The following IDE variants were observed in gnomAD, a reference collection of about 807,000 sequenced individuals.
The protein encoded by IDE is insulin degrading enzyme.
A neutral mutation model predicts 133.2 loss-of-function variants in IDE; 58 were observed. That is an observed-to-expected ratio of 0.44 (90% CI 0.35 to 0.54). The LOEUF is 0.54. IDE is among the 20% of genes least tolerant of loss of function. The pLI is 0.00. For missense variants in IDE, 981 were observed against 1,234.0 expected (o/e 0.79, Z 3.07); for synonymous variants, 396 against 421.3 (o/e 0.94, Z 0.73).
chr10:92,455,700 CAAA>C, intron 23 of IDE, 57 bp from the exon 24 acceptor site: 4 of 729,830 alleles, frequency 5.5e-6, no homozygotes, highest in Non-Finnish European at 8.8e-6. Context: ...CACAAAAGAA[CAAA>C]AAAAAAAAAC....
chr10:92,519,459 A>AG (rs1849100437), intron 4 of IDE, among the ~76,000 whole-genome samples: 1 of 152,212 alleles, frequency 6.6e-6, no homozygotes, highest in African/African-American at 2.4e-5. Context: ...ATGGAGGAGC[A>AG]GGGTTGCTCA....
intron 1 of IDE, among the ~76,000 whole-genome samples, chr10:92,569,174 G>C (rs985013212): frequency 1.3e-5 from 2 of 152,212 alleles, no homozygotes; most frequent in African/African-American, 4.8e-5. Context: ...TCTCGGAATT[G>C]GGAATGAATA....
chr10:92,461,562 G>A (rs1589362206), intron 21 of IDE, among the ~76,000 whole-genome samples: 1 of 152,150 alleles, frequency 6.6e-6, no homozygotes, highest in South Asian at 2.1e-4. Context: ...CGCCATGTTG[G>A]CTAGGCTGGT....
At chr10:92,507,027 A>T (rs573618827) in intron 9 of IDE, among the ~76,000 whole-genome samples, 2 of 152,182 alleles carry the variant, frequency 1.3e-5, no homozygotes, top group African/African-American at 4.8e-5. Flanking sequence ...GAATCTCGAT[A>T]GGCTTTAAAG....
intron 1 of IDE, among the ~76,000 whole-genome samples, chr10:92,567,049 C>T (rs1171080776): frequency 6.6e-6 from 1 of 152,162 alleles, no homozygotes; most frequent in Non-Finnish European, 1.5e-5. Flanking sequence ...CCCTGAGCTA[C>T]CAATCTACAA....
rs1257575731 is a variant in IDE at position 92,530,083 on chromosome 10, G to A, written c.661+1665C>T. Reference sequence around the variant, plus strand: ...TCTACTAAAAGTACACAAATTAGCCGGGCATGGTGGCGGGCGCCTGTAATC... The same window carrying A: ...TCTACTAAAAGTACACAAATTAGCCAGGCATGGTGGCGGGCGCCTGTAATC... On this transcript the variant is annotated intron_variant, in intron 4 of 24. Transcript: ENST00000265986. Among the ~76,000 whole-genome samples the A allele has an allele frequency of 5.9e-5, 9 of 151,922 alleles. No homozygotes were observed. In the East Asian group the frequency reaches 9.7e-4, roughly 16 times the overall value.
chr10:92,559,435 G>A (rs1589543278), intron 1 of IDE, among the ~76,000 whole-genome samples: 1 of 152,134 alleles, frequency 6.6e-6, no homozygotes, highest in African/African-American at 2.4e-5. Context: ...AATACTATGA[G>A]TACTAAAAAG....
chr10:92,531,659 CATAA>C (rs1849931461), intron 4 of IDE, 85 bp downstream of exon 4: 1 of 492,992 alleles, frequency 2.0e-6, no homozygotes, highest in Non-Finnish European at 3.1e-6. Context: ...TAAATATATA[CATAA>C]ATATATTTTA....
intron 6 of IDE, among the ~76,000 whole-genome samples, chr10:92,509,092 A>C (rs1848451449): frequency 6.6e-6 from 1 of 152,194 alleles, no homozygotes; most frequent in African/African-American, 2.4e-5. Flanking sequence ...TATATAGTCC[A>C]TGTTTGACCC....
chr10:92,518,639 C>A (rs905669912), intron 4 of IDE, among the ~76,000 whole-genome samples: 3 of 152,078 alleles, frequency 2.0e-5, no homozygotes, highest in African/African-American at 7.2e-5. Context: ...CATAGTAACA[C>A]TGTTTCATTA....
chr10:92,528,461 GAA>G (rs777854346), intron 4 of IDE, among the ~76,000 whole-genome samples: 8 of 127,088 alleles, frequency 6.3e-5, no homozygotes, highest in South Asian at 2.4e-4. Flanking sequence ...AGTTTCTCTA[GAA>G]AAAAAAAAAA....
In IDE at chr10:92,461,227, C is replaced by T; in HGVS notation, c.2787G>A (p.Lys929=). 1 of 1,460,662 alleles carries T rather than the reference C, an allele frequency of 6.8e-7. No homozygotes were observed. The highest frequency in any genetic ancestry group is 9.6e-7 in the Non-Finnish European group (1 of 1,041,478). 90.5% of individuals were successfully genotyped at this position (1,460,662 alleles called of 1,614,324 possible). A position where few individuals can be genotyped will look rare whatever the true frequency, so the allele number is the denominator to read the frequency against. ...TGATGATATCTTCCTTGGTAAGTGT[C>T]TTTAAATATGCAACCTCAGTGTTAT... ...DRDNTEVAYL[K]TLTKEDIIKF... Residue 929 remains lysine, a synonymous_variant, in exon 22 of 25, where the codon AAG becomes AAA. Transcript: ENST00000265986.
rs749581031 is a variant in IDE, at chr10:92,507,567, A to C, written c.1245+8T>G. On this transcript the variant is annotated splice_region_variant and intron_variant, in intron 9 of 24. Coordinates refer to ENST00000265986, the MANE Select transcript of IDE (RefSeq NM_004969.4). The stretch of plus-strand genomic sequence containing the variant: ...TCCTTAAGAAAAATTTTGGTGAAAC[A>C]AAAGTACCTTGCACTCTTGGAAAAC... 1.0e-5 allele frequency: 16 copies of C among 1,533,062 alleles called. No homozygotes were observed. In the South Asian group the frequency reaches 1.6e-4, roughly 15 times the overall value. The allele number at this position is 1,533,062 out of a possible 1,614,324, so 95.0% of individuals were successfully genotyped here.
At chr10:92,542,722 C>G (rs956696964) in intron 1 of IDE, among the ~76,000 whole-genome samples, 1 of 152,128 alleles carries the variant, frequency 6.6e-6, no homozygotes, top group African/African-American at 2.4e-5. Flanking sequence ...GAAGGGAATT[C>G]GTGAGCGAAG....
intron 1 of IDE, among the ~76,000 whole-genome samples, chr10:92,556,650 C>T (rs1042013938): frequency 3.3e-5 from 5 of 151,816 alleles, no homozygotes; most frequent in Non-Finnish European, 5.9e-5. Flanking sequence ...CCCAGCTACT[C>T]GGGAGGCTGA....
At chr10:92,550,649 TCAAAAAA>T (rs1842737011) in intron 1 of IDE, among the ~76,000 whole-genome samples, 1 of 45,396 alleles carries the variant, frequency 2.2e-5, no homozygotes, top group African/African-American at 7.5e-5. Flanking sequence ...AGACTCCGTC[TCAAAAAA>T]AAAAAAAAAA....
chr10:92,478,920 C>G (rs1846435960), intron 15 of IDE: 2 of 322,464 alleles, frequency 6.2e-6, no homozygotes, highest in East Asian at 1.2e-4. Flanking sequence ...ATATGCCAAC[C>G]TTAGGTTTTA....
intron 1 of IDE, among the ~76,000 whole-genome samples, chr10:92,561,928 TACTAAG>T (rs1469538148): frequency 1.3e-5 from 2 of 152,292 alleles, no homozygotes; most frequent in South Asian, 2.1e-4. Context: ...GTCTGAAAAC[TACTAAG>T]ACTAACTTCC....
Position 92,454,500 on chromosome 10 carries a change from G to T in IDE, c.3004C>A (p.Leu1002Met), listed in dbSNP as rs769556013. The change falls in exon 25 of 25, where the codon CTG becomes ATG. Residue 1002 changes from leucine (L) to methionine (M), a missense_variant. Transcript: ENST00000265986. Reference protein sequence around the residue: ...IQNMTEFKRGLPLFPLVKPHI... With the variant: ...IQNMTEFKRGMPLFPLVKPHI... Reference sequence around the variant, plus strand: ...GGTTTCACAAGGGGAAACAGTGGCAGACCACGCTTGAATTCGGTCATGTTC... The same window carrying T: ...GGTTTCACAAGGGGAAACAGTGGCATACCACGCTTGAATTCGGTCATGTTC... 4 of 1,613,848 alleles carry T rather than the reference G, an allele frequency of 2.5e-6. No individual in the cohort carries two copies. The African/African-American group carries it at 5.3e-5, about 22-fold the overall frequency.
Sources: allele counts gnomAD v4.1 joint callset (sites outside exome capture counted in the v4.1 genomes callset), GRCh38; gene constraint gnomAD v4.1.1; transcripts MANE v1.5; gene names NCBI Gene and HGNC (gene_info 2026-07-23, HGNC 2026-07-21).